Variants in IL7 observed in about 807,000 individuals in gnomAD.
The protein encoded by IL7 is interleukin-7.
Under a neutral mutation model 21.6 loss-of-function variants are expected in IL7, and 3 were observed. The observed-to-expected ratio is 0.14, with a 90% CI of 0.06 to 0.36. The LOEUF (loss-of-function observed/expected upper bound fraction) is 0.36, where lower values mean the gene tolerates loss of function less well. Ranked by LOEUF, IL7 falls within the 10% of genes least tolerant of loss-of-function variation. IL7 has a pLI of 1.00. For synonymous variants in IL7, 62 were observed against 68.1 expected, an observed-to-expected ratio of 0.91 and a Z score of 0.44; for missense variants, 175 against 200.2, an observed-to-expected ratio of 0.87 and a Z score of 0.76.
At chr8:78,800,462 A>G (rs1187904009) in intron 1 of IL7, among the ~76,000 whole-genome samples, 1 of 152,060 alleles carries the variant, frequency 6.6e-6, no homozygotes, top group African/African-American at 2.4e-5. Flanking sequence ...ATGCCCAGCT[A>G]ATTTTTTAAA....
At position 78,710,446 on chromosome 8, in the gene IL7, G is replaced by A. The variant is rs1438734959; in HGVS notation, n.214+10902C>T. On this transcript the variant is annotated intron_variant and non_coding_transcript_variant, in intron 3 of 4. Transcript: ENST00000523959. ...TGTTTCCATTGGATAATTACCTTTA[G>A]GTTTTTATTATATTTTACACATCTT... Among the ~76,000 whole-genome samples the A allele has an allele frequency of 2.0e-5, 3 of 151,836 alleles. No individual in the cohort carries two copies. The East Asian group carries it at 5.8e-4, about 29-fold the overall frequency.
At chr8:78,711,618 T>C (rs1289759099) in intron 3 of IL7, among the ~76,000 whole-genome samples, 1 of 152,146 alleles carries the variant, frequency 6.6e-6, no homozygotes, top group African/African-American at 2.4e-5. Context: ...AAAGTTTCCA[T>C]GAATTCTGGG....
intron 2 of IL7, among the ~76,000 whole-genome samples, chr8:78,785,286 T>C (rs963418467): frequency 6.6e-6 from 1 of 152,206 alleles, no homozygotes; most frequent in African/African-American, 2.4e-5. Context: ...TTCCATTCGA[T>C]GAATTTTCTT....
At chr8:78,707,349 C>T (rs1056756710) in intron 3 of IL7, among the ~76,000 whole-genome samples, 1 of 152,146 alleles carries the variant, frequency 6.6e-6, no homozygotes, top group South Asian at 2.1e-4. Flanking sequence ...TGAAGAGAGG[C>T]GCTGACCTTG....
intron 3 of IL7, chr8:78,712,209 T>C: frequency 1.8e-6 from 1 of 540,954 alleles, no homozygotes; most frequent in Non-Finnish European, 2.8e-6. Context: ...CTTAAAAAAA[T>C]CTGTTGAATA....
Position 78,802,471 on chromosome 8 carries a change from T to A in IL7, c.10+2442A>T, listed in dbSNP as rs528780943. On this transcript the variant is annotated intron_variant, in intron 1 of 5. Coordinates refer to ENST00000263851, the MANE Select transcript of IL7 (RefSeq NM_000880.4). ...TTTGATATGGAGTCTCATTCTATCA[T>A]CTAGGCTGGAGTGCAATGGTGCGAT... Among the ~76,000 whole-genome samples, 9 of 151,550 alleles carry A rather than the reference T, an allele frequency of 5.9e-5. No individual in the cohort carries two copies. In the South Asian group the frequency reaches 1.9e-3, roughly 32 times the overall value.
In IL7 at chr8:78,738,641, A is replaced by G. The variant is rs372935501; in HGVS notation, c.229-6T>C. 5.0e-5 allele frequency: 80 copies of G among 1,611,770 alleles called. 1 individual carries two copies. In the South Asian group the frequency reaches 8.4e-4, roughly 17 times the overall value. ...CGGAATAAAAACATACCTTCCTATT[A>G]TAGGAAAAAGTCAGAAGGGCCATGG... On this transcript the variant is annotated splice_region_variant and splice_polypyrimidine_tract_variant and intron_variant, in intron 3 of 5. Coordinates refer to ENST00000263851, the MANE Select transcript of IL7 (RefSeq NM_000880.4).
At chr8:78,699,835 T>G (rs1313179236) in intron 3 of IL7, among the ~76,000 whole-genome samples, 1 of 152,176 alleles carries the variant, frequency 6.6e-6, no homozygotes, top group Non-Finnish European at 1.5e-5. Context: ...TTCCATGGTG[T>G]TTATGTACTA....
intron 1 of IL7, among the ~76,000 whole-genome samples, chr8:78,801,822 C>A (rs542862927): frequency 6.6e-6 from 1 of 152,186 alleles, no homozygotes; most frequent in Non-Finnish European, 1.5e-5. Context: ...GGACCCACAT[C>A]TCATAGGTTC....
At chr8:78,761,918 A>G (rs1812574371) in intron 2 of IL7, 2 of 1,611,420 alleles carry the variant, frequency 1.2e-6, no homozygotes, top group South Asian at 2.2e-5. Flanking sequence ...CAAGATTTCA[A>G]GTAGATATTT....
intron 2 of IL7, chr8:78,746,923 G>A: frequency 2.5e-6 from 1 of 399,688 alleles, no homozygotes; most frequent in Non-Finnish European, 4.9e-6. Context: ...TGATAGGACA[G>A]TTTTCTTCTG....
At chr8:78,714,774 G>A (rs951203532), downstream of IL7, among the ~76,000 whole-genome samples, 2 of 152,130 alleles carry the variant, frequency 1.3e-5, no homozygotes, top group Non-Finnish European at 2.9e-5. Flanking sequence ...ACTTTCATAA[G>A]TTGAATATTA....
intron 2 of IL7, among the ~76,000 whole-genome samples, chr8:78,795,902 A>G (rs1447067651): frequency 2.0e-5 from 3 of 152,034 alleles, no homozygotes; most frequent in Non-Finnish European, 2.9e-5. Context: ...TATTCCTACA[A>G]GAGGTATAAC....
intron 3 of IL7, chr8:78,689,333 C>T: frequency 6.2e-7 from 1 of 1,601,774 alleles, no homozygotes; most frequent in Non-Finnish European, 8.5e-7. Flanking sequence ...GGGAAATTTT[C>T]TACAGATACC....
chr8:78,723,602 C>G (rs1317093004), intron 3 of IL7, among the ~76,000 whole-genome samples: 2 of 152,020 alleles, frequency 1.3e-5, no homozygotes, highest in African/African-American at 2.4e-5. Flanking sequence ...AATGGATAAA[C>G]AAGTACTGGT....
At chr8:78,725,584 G>T (rs751101639) in intron 3 of IL7, among the ~76,000 whole-genome samples, 1 of 151,962 alleles carries the variant, frequency 6.6e-6, no homozygotes, top group Non-Finnish European at 1.5e-5. Context: ...ACCAAATTTG[G>T]TCTAACTTGT....
chr8:78,762,280 A>G (rs1402498717), intron 2 of IL7: 20 of 1,583,900 alleles, frequency 1.3e-5, no homozygotes, highest in Non-Finnish European at 1.6e-5. Context: ...TATTTAGCTG[A>G]TCAGGTGTTT....
At chr8:78,704,956 TA>T (rs1810723621) in intron 3 of IL7, among the ~76,000 whole-genome samples, 1 of 152,222 alleles carries the variant, frequency 6.6e-6, no homozygotes, top group Non-Finnish European at 1.5e-5. Context: ...TCAGGTTGGT[TA>T]TGTTCTTCTC....
rs954300922 is a variant in IL7, at chr8:78,805,022, T to C, written c.-100A>G. ...CCCAGGACCCTGGTCTTCCGCGGAG[T>C]TGCCGAGTCTGTGTTGGGCAGGGTG... On this transcript the variant is annotated 5_prime_UTR_variant, in exon 1 of 6. Transcript: ENST00000263851. 1.3e-5 allele frequency: 17 copies of C among 1,346,730 alleles called. No individual in the cohort carries two copies. The Admixed American group carries it at 3.3e-4, about 26-fold the overall frequency. The allele number at this position is 1,346,730 out of a possible 1,614,324, so 83.4% of individuals were successfully genotyped here. A position where few individuals can be genotyped will look rare whatever the true frequency, so the allele number is the denominator to read the frequency against.
Sources: gnomAD v4.1 joint callset for allele counts (sites outside exome capture counted in the v4.1 genomes callset) on GRCh38, gnomAD v4.1.1 for gene constraint, MANE v1.5 for transcripts, NCBI Gene and HGNC (gene_info 2026-07-23, HGNC 2026-07-21) for gene names.